Variants in DLGAP1 observed in about 807,000 individuals in gnomAD.
DLGAP1 encodes the protein DLG associated protein 1, also known as disks large-associated protein 1.
A neutral mutation model predicts 90.8 loss-of-function variants in DLGAP1; 11 were observed. That is an observed-to-expected ratio of 0.12 (90% CI 0.08 to 0.20). DLGAP1 has a LOEUF of 0.20. Among genes scored for constraint, DLGAP1 ranks in the 10% least tolerant of loss-of-function variants. The pLI is 1.00. For missense variants in DLGAP1, 1,050 were observed against 1,333.8 expected (o/e 0.79, Z 3.31); for synonymous variants, 558 against 540.7 (o/e 1.03, Z -0.44).
chr18:3,964,069 G>A (rs77398096), intron 3 of DLGAP1, among the ~76,000 whole-genome samples: 3,842 of 152,184 alleles, frequency 0.025, 59 homozygotes, highest in Middle Eastern at 0.13. Flanking sequence ...TGCAGGAGGC[G>A]TCATTCCTAA....
chr18:3,504,619 C>A (rs1381763549), intron 11 of DLGAP1, among the ~76,000 whole-genome samples: 2 of 152,070 alleles, frequency 1.3e-5, no homozygotes, highest in Non-Finnish European at 2.9e-5. Context: ...CTCCTGGCCA[C>A]AAGATCCTCC....
At chr18:4,077,995 C>T (rs925744488) in intron 2 of DLGAP1, among the ~76,000 whole-genome samples, 1 of 152,108 alleles carries the variant, frequency 6.6e-6, no homozygotes, top group Non-Finnish European at 1.5e-5. Context: ...TGGAATATGG[C>T]CTAGACAATG....
At chr18:3,543,121 A>T (rs2052786565) in intron 9 of DLGAP1, among the ~76,000 whole-genome samples, 1 of 151,752 alleles carries the variant, frequency 6.6e-6, no homozygotes, top group African/African-American at 2.4e-5. Flanking sequence ...GCGACTTTCA[A>T]TCTGGATCTC....
intron 8 of DLGAP1, among the ~76,000 whole-genome samples, chr18:3,576,242 A>G (rs896599352): frequency 6.7e-6 from 1 of 150,170 alleles, no homozygotes; most frequent in Non-Finnish European, 1.5e-5. Context: ...GAAGGTAGCT[A>G]TGGCTCCACC....
intron 1 of DLGAP1, among the ~76,000 whole-genome samples, chr18:4,363,686 C>T (rs1198426882): frequency 6.6e-6 from 1 of 152,138 alleles, no homozygotes. Context: ...CAGAGAAATG[C>T]AAATTAAAAC....
At position 3,799,343 on chromosome 18, in the gene DLGAP1, G is replaced by C. The variant is rs1317526162; in HGVS notation, c.1172+14716C>G. Among the ~76,000 whole-genome samples the C allele has an allele frequency of 2.0e-5, 3 of 152,128 alleles. No individual in the cohort carries two copies. In the East Asian group the frequency reaches 5.8e-4, roughly 29 times the overall value. ...TACAGGCATGGGTGCTACCAGAAAG[G>C]GAGAGGGAAGAAGAGGAGTGTGGCT... On this transcript the variant is annotated intron_variant, in intron 5 of 12. Transcript: ENST00000315677.
At chr18:4,246,737 A>G (rs141473923) in intron 1 of DLGAP1, among the ~76,000 whole-genome samples, 2 of 152,356 alleles carry the variant, frequency 1.3e-5, no homozygotes, top group East Asian at 3.9e-4. Flanking sequence ...TGGACAAAGG[A>G]AGAATGGCAA....
intron 1 of DLGAP1, among the ~76,000 whole-genome samples, chr18:4,355,703 G>C (rs1459057008): frequency 6.7e-6 from 1 of 148,956 alleles, no homozygotes; most frequent in Non-Finnish European, 1.5e-5. Flanking sequence ...GTTATCTTCG[G>C]AGAAAACTGG....
At chr18:4,195,951 A>T (rs906010241) in intron 1 of DLGAP1, among the ~76,000 whole-genome samples, 37 of 152,234 alleles carry the variant, frequency 2.4e-4, no homozygotes, top group African/African-American at 7.7e-4. Context: ...AACAGGGCAC[A>T]GATAATCCAG....
chr18:3,629,523 T>TTAGCCGGGCGTGTTGGTGGGACTAA (rs1280129866), intron 7 of DLGAP1, among the ~76,000 whole-genome samples: 3 of 151,718 alleles, frequency 2.0e-5, no homozygotes, highest in African/African-American at 7.3e-5. Context: ...TACAAAAAAA[T>TTAGCCGGGCGTGTTGGTGGGACTAA]TAGCCGGGCG....
chr18:4,031,949 T>C (rs1025225766), intron 2 of DLGAP1, among the ~76,000 whole-genome samples: 7 of 152,246 alleles, frequency 4.6e-5, no homozygotes, highest in African/African-American at 1.7e-4. Context: ...CATATGGTCA[T>C]ATGTGAACAT....
At chr18:3,814,922 A>G (rs557672513) in intron 4 of DLGAP1, among the ~76,000 whole-genome samples, 1 of 152,326 alleles carries the variant, frequency 6.6e-6, no homozygotes, top group South Asian at 2.1e-4. Context: ...CAATAACAAT[A>G]TTTTATTGTA....
intron 2 of DLGAP1, among the ~76,000 whole-genome samples, chr18:4,132,919 T>C (rs989578308): frequency 6.6e-6 from 1 of 152,186 alleles, no homozygotes; most frequent in Non-Finnish European, 1.5e-5. Flanking sequence ...TACACATTTA[T>C]TGAGCATTTG....
At chr18:3,707,163 A>G (rs1287534073) in intron 7 of DLGAP1, among the ~76,000 whole-genome samples, 1 of 152,184 alleles carries the variant, frequency 6.6e-6, no homozygotes, top group East Asian at 1.9e-4. Flanking sequence ...AATACAGTTT[A>G]TATCTTAATA....
chr18:4,381,729 T>G (rs2082123593), intron 1 of DLGAP1, among the ~76,000 whole-genome samples: 1 of 152,130 alleles, frequency 6.6e-6, no homozygotes, highest in Non-Finnish European at 1.5e-5. Context: ...TTAGGAGATC[T>G]TTCTTGATTT....
chr18:4,073,368 A>C (rs1172501429), intron 2 of DLGAP1, among the ~76,000 whole-genome samples: 1 of 152,152 alleles, frequency 6.6e-6, no homozygotes, highest in African/African-American at 2.4e-5. Context: ...AGGAAAATGG[A>C]ATTAGGAGTT....
chr18:3,769,369 T>C (rs530567455), intron 5 of DLGAP1, among the ~76,000 whole-genome samples: 2 of 152,290 alleles, frequency 1.3e-5, no homozygotes, highest in African/African-American at 4.8e-5. Flanking sequence ...ATGCAACTAC[T>C]ATATGACCCA....
chr18:4,246,022 T>C (rs73376924), intron 1 of DLGAP1, among the ~76,000 whole-genome samples: 3,729 of 152,282 alleles, frequency 0.024, 127 homozygotes, highest in Admixed American at 0.071. Flanking sequence ...TCAGTACCAC[T>C]TGCTGATGGG....
At chr18:3,616,606 T>A (rs931659345) in intron 7 of DLGAP1, among the ~76,000 whole-genome samples, 5 of 150,534 alleles carry the variant, frequency 3.3e-5, no homozygotes, top group African/African-American at 1.2e-4. Flanking sequence ...AAAAAAAAAA[T>A]TAGCCTGCTG....
Sources: gnomAD v4.1 joint callset for allele counts (sites outside exome capture counted in the v4.1 genomes callset) on GRCh38, gnomAD v4.1.1 for gene constraint, MANE v1.5 for transcripts, NCBI Gene and HGNC (gene_info 2026-07-23, HGNC 2026-07-21) for gene names.